The following WWC2 variants were observed in gnomAD, a reference collection of about 807,000 sequenced individuals.
WWC2 encodes protein WWC2.
A neutral mutation model predicts 138.5 loss-of-function variants in WWC2; 101 were observed. The observed-to-expected ratio is 0.73, with a 90% CI of 0.62 to 0.86. The LOEUF (loss-of-function observed/expected upper bound fraction) is 0.86, where lower values mean the gene tolerates loss of function less well. Ranked by LOEUF, WWC2 falls within the 40% of genes least tolerant of loss-of-function variation. The pLI, the probability that WWC2 is intolerant of heterozygous loss-of-function variation, is 0.00. For synonymous variants in WWC2, 558 were observed against 538.4 expected, an observed-to-expected ratio of 1.04 and a Z score of -0.50; for missense variants, 1,420 against 1,419.4, an observed-to-expected ratio of 1.00 and a Z score of -0.01.
At chr4:183,193,766 A>G (rs1330454485) in intron 2 of WWC2, 58 bp downstream of exon 2, 1 of 1,344,918 alleles carries the variant, frequency 7.4e-7, no homozygotes, top group Non-Finnish European at 1.0e-6. Context: ...CCCAAAACCT[A>G]CAGTCACACA....
intron 1 of WWC2, among the ~76,000 whole-genome samples, chr4:183,105,850 A>T (rs931829336): frequency 6.6e-6 from 1 of 151,944 alleles, no homozygotes; most frequent in Admixed American, 6.6e-5. Flanking sequence ...ACATTGCGCC[A>T]ATGCACTCCA....
intron 20 of WWC2, among the ~76,000 whole-genome samples, chr4:183,286,296 G>A (rs965199739): frequency 4.6e-5 from 7 of 152,108 alleles, no homozygotes; most frequent in South Asian, 2.1e-4. Flanking sequence ...CTGGAAATGC[G>A]GTTTCAGTAT....
At chr4:183,161,686 C>T (rs1733963330) in intron 1 of WWC2, among the ~76,000 whole-genome samples, 1 of 152,160 alleles carries the variant, frequency 6.6e-6, no homozygotes, top group Non-Finnish European at 1.5e-5. Flanking sequence ...CATTGCGTTA[C>T]AGTTGCCTAC....
chr4:183,280,998 G>A, intron 17 of WWC2, 101 bp downstream of exon 17: 1 of 1,435,052 alleles, frequency 7.0e-7, no homozygotes. Flanking sequence ...CCAGAATGAT[G>A]GAATGCACTG....
Position 183,248,732 on chromosome 4 carries a change from G to A in WWC2, c.751G>A (p.Glu251Lys). The A allele has an allele frequency of 1.2e-6, 2 of 1,601,054 alleles. No homozygotes were observed. Among genetic ancestry groups the A allele is most frequent in the Non-Finnish European group, 1.7e-6 (2 of 1,173,026 alleles). ...DLMQSLAKLQ[E>K]RFHLDQNIGR... The stretch of plus-strand genomic sequence containing the variant: ...TGAACAGAGTCTTGCTAAGCTGCAG[G>A]AGCGGTTTCATTTGGATCAGAACAT... The change falls in exon 7 of 23, where the codon GAG becomes AAG. Residue 251 changes from glutamate to lysine, a missense_variant. Glu to Lys is a moderately conservative substitution (Grantham distance 56). Coordinates refer to ENST00000403733, the MANE Select transcript of WWC2 (RefSeq NM_024949.6).
chr4:183,312,570 CAG>C (rs1739293577), intron 22 of WWC2, 102 bp downstream of exon 22: 4 of 1,519,952 alleles, frequency 2.6e-6, no homozygotes, highest in Admixed American at 1.8e-5. Context: ...GGATCCGAGA[CAG>C]AAGTCCTCTG....
intron 2 of WWC2, among the ~76,000 whole-genome samples, chr4:183,207,366 A>T (rs1038848397): frequency 2.0e-5 from 3 of 152,246 alleles, no homozygotes; most frequent in South Asian, 2.1e-4. Flanking sequence ...AAATACAAGA[A>T]AAAGTGAATT....
rs1738522251 is a variant in WWC2, at chr4:183,293,300, A to G, written c.3384+3665A>G. On this transcript the variant is annotated intron_variant, in intron 21 of 22. Coordinates refer to ENST00000403733, the MANE Select transcript of WWC2 (RefSeq NM_024949.6). ...CAGTGAATTAAAAAAATACATGTTG[A>G]CCATGTCAAAATGTCTAAGAAAATT... 3.3e-5 allele frequency among the ~76,000 whole-genome samples: 5 copies of G among 152,318 alleles called. No homozygotes were observed. In the South Asian group the frequency reaches 1.0e-3, roughly 32 times the overall value.
In WWC2 at chr4:183,248,728, G is replaced by A; in HGVS notation, c.747G>A (p.Leu249=). 6.3e-7 allele frequency: 1 copy of A among 1,599,288 alleles called. No individual in the cohort carries two copies. Among genetic ancestry groups the A allele is most frequent in the Non-Finnish European group, 8.5e-7 (1 of 1,171,886 alleles). ...KQDLMQSLAK[L]QERFHLDQNI... is the part of the protein sequence containing the mutation. ...TTTCTGAACAGAGTCTTGCTAAGCT[G>A]CAGGAGCGGTTTCATTTGGATCAGA... Residue 249 remains leucine, a synonymous_variant, in exon 7 of 23, where the codon CTG becomes CTA. Coordinates refer to ENST00000403733, the MANE Select transcript of WWC2 (RefSeq NM_024949.6).
At position 183,271,255 on chromosome 4, in the gene WWC2, A is replaced by G. The variant is rs1400488619; in HGVS notation, c.2562+14A>G. 6.3e-7 allele frequency: 1 copy of G among 1,592,212 alleles called. No individual in the cohort carries two copies. The highest frequency in any genetic ancestry group is 8.5e-7 in the Non-Finnish European group (1 of 1,171,136). ...TCTATAGACTTGGTGAGTCAAAATTAGAGTATAATATGAAAGTAATGTGAA... is the reference window on the plus strand; with the variant it reads ...TCTATAGACTTGGTGAGTCAAAATTGGAGTATAATATGAAAGTAATGTGAA... On this transcript the variant is annotated intron_variant, in intron 16 of 22. Coordinates refer to ENST00000403733, the MANE Select transcript of WWC2 (RefSeq NM_024949.6).
chr4:183,170,845 AAT>A (rs1734255842), intron 1 of WWC2, among the ~76,000 whole-genome samples: 1 of 25,696 alleles, frequency 3.9e-5, no homozygotes, highest in African/African-American at 1.5e-4. Context: ...CTAGCTAATT[AAT>A]TTTTTTTTTT....
chr4:183,152,397 G>A (rs1733659120), intron 1 of WWC2, among the ~76,000 whole-genome samples: 1 of 152,052 alleles, frequency 6.6e-6, no homozygotes. Flanking sequence ...TACTTGGGAG[G>A]CAGAGGTGGG....
At chr4:183,182,021 A>G (rs978754901) in intron 1 of WWC2, among the ~76,000 whole-genome samples, 2 of 152,208 alleles carry the variant, frequency 1.3e-5, no homozygotes, top group African/African-American at 4.8e-5. Flanking sequence ...TATATTTTGT[A>G]CATAATATTA....
chr4:183,132,060 T>G (rs1732943693), intron 1 of WWC2, among the ~76,000 whole-genome samples: 1 of 152,190 alleles, frequency 6.6e-6, no homozygotes, highest in Non-Finnish European at 1.5e-5. Context: ...TTATTTCTTT[T>G]GCCAATATCA....
At chr4:183,270,745 C>G (rs1442731446) in intron 15 of WWC2, among the ~76,000 whole-genome samples, 1 of 152,118 alleles carries the variant, frequency 6.6e-6, no homozygotes, top group African/African-American at 2.4e-5. Context: ...GCCTGGGAGT[C>G]AGAGCAAGAC....
chr4:183,262,582 G>A (rs374640871), intron 11 of WWC2, among the ~76,000 whole-genome samples: 9 of 152,378 alleles, frequency 5.9e-5, no homozygotes, highest in South Asian at 2.1e-4. Context: ...GCCTGGGCCT[G>A]TGGGAGGGCC....
At chr4:183,245,158 C>T (rs948431807) in intron 5 of WWC2, among the ~76,000 whole-genome samples, 21 of 141,988 alleles carry the variant, frequency 1.5e-4, no homozygotes, top group Non-Finnish European at 2.3e-4. Flanking sequence ...ACCCAGGAGG[C>T]GTAGTTTGCA....
rs113602820 is a variant in WWC2, at chr4:183,113,480, C to CTGTGTG, written c.131+13889_131+13894dup. Among the ~76,000 whole-genome samples the CTGTGTG allele has an allele frequency of 4.0e-3, 579 of 143,788 alleles. 4 individuals are homozygous for CTGTGTG. Among genetic ancestry groups the CTGTGTG allele is most frequent in the Middle Eastern group, 0.014 (4 of 282 alleles). 94.3% of individuals were successfully genotyped at this position (143,788 alleles called of 152,430 possible). On this transcript the variant is annotated intron_variant, in intron 1 of 22. Coordinates refer to ENST00000403733, the MANE Select transcript of WWC2 (RefSeq NM_024949.6). Reference sequence around the variant, plus strand: ...CAATTGAACTGAGGTAAGGTGGGGCCTGTGTGTGTGTGTGTGTGTGTGTGT... The same window carrying CTGTGTG: ...CAATTGAACTGAGGTAAGGTGGGGCCTGTGTGTGTGTGTGTGTGTGTGTGTGTGTGT...
chr4:183,126,447 G>A (rs1004754029), intron 1 of WWC2, among the ~76,000 whole-genome samples: 3 of 152,164 alleles, frequency 2.0e-5, no homozygotes, highest in African/African-American at 7.2e-5. Flanking sequence ...CAAATATCTA[G>A]TACTTGCCCC....
Sources: gnomAD v4.1 joint callset for allele counts (sites outside exome capture counted in the v4.1 genomes callset) on GRCh38, gnomAD v4.1.1 for gene constraint, MANE v1.5 for transcripts, NCBI Gene and HGNC (gene_info 2026-07-23, HGNC 2026-07-21) for gene names.